TCF12: variants seen among roughly 807,000 people sequenced by gnomAD.
The protein encoded by TCF12 is transcription factor 12.
In TCF12, 45 loss-of-function variants were observed where a neutral mutation model predicts 86.0. The ratio of observed to expected loss-of-function variants is 0.52; its 90% CI spans 0.41 to 0.67. TCF12 has a LOEUF of 0.67. Among genes scored for constraint, TCF12 ranks in the 30% least tolerant of loss-of-function variants. The pLI is 0.00. For synonymous variants in TCF12, 330 were observed against 299.6 expected, an observed-to-expected ratio of 1.10 and a Z score of -1.05; for missense variants, 881 against 859.9, an observed-to-expected ratio of 1.02 and a Z score of -0.31.
chr15:57,252,615 GT>G, intron 15 of TCF12, 123 bp downstream of exon 15: 1 of 780,044 alleles, frequency 1.3e-6, no homozygotes, highest in Non-Finnish European at 2.0e-6. Flanking sequence ...GACTGTTTCA[GT>G]TTTTATCACA....
At chr15:57,158,380 A>T (rs1259355039) in intron 5 of TCF12, among the ~76,000 whole-genome samples, 3 of 151,844 alleles carry the variant, frequency 2.0e-5, no homozygotes, top group African/African-American at 7.3e-5. Flanking sequence ...GGTTTTTGCC[A>T]TGTTGCCCAG....
At chr15:57,142,011 G>C (rs1352134962) in intron 5 of TCF12, among the ~76,000 whole-genome samples, 2 of 152,210 alleles carry the variant, frequency 1.3e-5, no homozygotes, top group Non-Finnish European at 2.9e-5. Context: ...TATAGCTACA[G>C]TCCTTGGTTT....
intron 3 of TCF12, among the ~76,000 whole-genome samples, chr15:56,979,287 G>A (rs1567197320): frequency 5.9e-5 from 9 of 151,992 alleles, no homozygotes; most frequent in Admixed American, 3.3e-4. Flanking sequence ...ATAAAATCAT[G>A]TTTTTTTGGT....
intron 12 of TCF12, among the ~76,000 whole-genome samples, chr15:57,236,734 G>A (rs571447149): frequency 6.6e-6 from 1 of 152,018 alleles, no homozygotes; most frequent in East Asian, 1.9e-4. Flanking sequence ...GTTTAAGCCT[G>A]CATAATTGTG....
chr15:56,991,242 A>T (rs1292419311), intron 3 of TCF12, among the ~76,000 whole-genome samples: 1 of 152,184 alleles, frequency 6.6e-6, no homozygotes, highest in Non-Finnish European at 1.5e-5. Context: ...AAGGATTTGC[A>T]CTGATTTATG....
chr15:56,922,769 T>C (rs1213769069), intron 3 of TCF12, among the ~76,000 whole-genome samples: 4 of 152,006 alleles, frequency 2.6e-5, no homozygotes, highest in African/African-American at 4.8e-5. Flanking sequence ...GACTTTTAAT[T>C]AGTGAATGGA....
chr15:56,980,120 A>T (rs1019095688), intron 3 of TCF12, among the ~76,000 whole-genome samples: 2 of 152,154 alleles, frequency 1.3e-5, no homozygotes, highest in East Asian at 3.8e-4. Context: ...ACATTTTGGG[A>T]GGCCTAGATG....
At chr15:56,966,395 T>G (rs1178442390) in intron 3 of TCF12, among the ~76,000 whole-genome samples, 1 of 152,228 alleles carries the variant, frequency 6.6e-6, no homozygotes, top group Admixed American at 6.5e-5. Flanking sequence ...CCTAATATCA[T>G]GCTGTGTAAT....
intron 5 of TCF12, among the ~76,000 whole-genome samples, chr15:57,155,864 C>A (rs1261485331): frequency 6.6e-6 from 1 of 152,158 alleles, no homozygotes; most frequent in Non-Finnish European, 1.5e-5. Flanking sequence ...TGGGCTTTCT[C>A]CATGTGTTTC....
At chr15:57,195,903 C>G (rs1487612153) in intron 7 of TCF12, among the ~76,000 whole-genome samples, 1 of 152,102 alleles carries the variant, frequency 6.6e-6, no homozygotes, top group Non-Finnish European at 1.5e-5. Flanking sequence ...ACTCAGGAGA[C>G]CAAGGCAGGG....
chr15:57,208,415 C>T (rs1404763074), intron 8 of TCF12, among the ~76,000 whole-genome samples: 3 of 98,260 alleles, frequency 3.1e-5, no homozygotes, highest in Non-Finnish European at 5.3e-5. Context: ...CAGAGTCTCA[C>T]TCTGTCACCC....
intron 5 of TCF12, among the ~76,000 whole-genome samples, chr15:57,110,128 C>G (rs991106855): frequency 6.6e-6 from 1 of 152,078 alleles, no homozygotes; most frequent in Admixed American, 6.5e-5. Context: ...GATAGCATAA[C>G]AATGTATAAT....
At chr15:57,205,719 A>G (rs2057777650) in intron 8 of TCF12, among the ~76,000 whole-genome samples, 1 of 152,220 alleles carries the variant, frequency 6.6e-6, no homozygotes, top group African/African-American at 2.4e-5. Flanking sequence ...TTTTTCATAC[A>G]TTAATAAGAA....
In TCF12 at chr15:57,140,115, C is replaced by T. The variant is rs373993432; in HGVS notation, c.326-26287C>T. 3.3e-5 allele frequency among the ~76,000 whole-genome samples: 5 copies of T among 152,158 alleles called. No homozygotes were observed. In the East Asian group the frequency reaches 9.6e-4, roughly 29 times the overall value. ...GACATTTGTACACCTATGTTCATAT[C>T]AGCATTATTCCCAGTTAACCAAAGG... On this transcript the variant is annotated intron_variant, in intron 5 of 20. Coordinates refer to ENST00000333725, the MANE Select transcript of TCF12 (RefSeq NM_207037.2).
chr15:56,978,966 TG>T (rs2062753234), intron 3 of TCF12, among the ~76,000 whole-genome samples: 1 of 152,236 alleles, frequency 6.6e-6, no homozygotes, highest in Non-Finnish European at 1.5e-5. Flanking sequence ...TTGTGTAAAA[TG>T]TGCTGGTGGC....
At chr15:57,116,344 T>C (rs1235853956) in intron 5 of TCF12, among the ~76,000 whole-genome samples, 2 of 152,162 alleles carry the variant, frequency 1.3e-5, no homozygotes, top group Non-Finnish European at 2.9e-5. Flanking sequence ...TACTGTGGTA[T>C]ATTTTTTATT....
intron 3 of TCF12, among the ~76,000 whole-genome samples, chr15:57,037,879 A>G (rs948227727): frequency 3.3e-5 from 5 of 152,224 alleles, no homozygotes; most frequent in Admixed American, 3.3e-4. Flanking sequence ...GCTAAAACAC[A>G]TACGTTTATT....
At chr15:57,062,916 G>C (rs762938094) in intron 3 of TCF12, among the ~76,000 whole-genome samples, 49 of 152,168 alleles carry the variant, frequency 3.2e-4, no homozygotes, top group Non-Finnish European at 6.0e-4. Flanking sequence ...GGATGAAAAA[G>C]ACTGGAGTCT....
intron 3 of TCF12, among the ~76,000 whole-genome samples, chr15:57,049,672 C>T (rs1421580082): frequency 6.6e-6 from 1 of 152,122 alleles, no homozygotes; most frequent in African/African-American, 2.4e-5. Flanking sequence ...CTGCTATAAA[C>T]AGTTTTGTGT....
Sources: allele counts gnomAD v4.1 joint callset (sites outside exome capture counted in the v4.1 genomes callset), GRCh38; gene constraint gnomAD v4.1.1; transcripts MANE v1.5; gene names NCBI Gene and HGNC (gene_info 2026-07-23, HGNC 2026-07-21).